MAGI2: variants seen among roughly 807,000 people sequenced by gnomAD.
MAGI2 encodes membrane-associated guanylate kinase, WW and PDZ domain-containing protein 2.
In MAGI2, 35 loss-of-function variants were observed where a neutral mutation model predicts 133.3. The observed-to-expected ratio is 0.26, with a 90% CI of 0.20 to 0.35. The LOEUF is 0.35. Among genes scored for constraint, MAGI2 ranks in the 10% least tolerant of loss-of-function variants. The pLI is 1.00. For missense variants in MAGI2, 1,636 were observed against 1,863.4 expected (o/e 0.88, Z 2.25); for synonymous variants, 729 against 710.6 (o/e 1.03, Z -0.41).
chr7:78,605,592 T>A (rs987941769), intron 3 of MAGI2, among the ~76,000 whole-genome samples: 1 of 152,196 alleles, frequency 6.6e-6, no homozygotes, highest in Non-Finnish European at 1.5e-5. Context: ...AATATTATAA[T>A]TCTGTAATTA....
At chr7:78,588,075 G>C (rs184644256) in intron 3 of MAGI2, among the ~76,000 whole-genome samples, 1 of 152,288 alleles carries the variant, frequency 6.6e-6, no homozygotes, top group East Asian at 1.9e-4. Flanking sequence ...GTAAAGTAGG[G>C]AATACAATGC....
intron 3 of MAGI2, among the ~76,000 whole-genome samples, chr7:78,573,255 T>A (rs1160820043): frequency 6.0e-5 from 2 of 33,530 alleles, no homozygotes; most frequent in Admixed American, 6.3e-4. Context: ...TAAATATATA[T>A]AAATATAAAT....
chr7:78,022,328 C>T (rs1018694911), intron 21 of MAGI2, among the ~76,000 whole-genome samples: 28 of 152,166 alleles, frequency 1.8e-4, no homozygotes, highest in African/African-American at 6.3e-4. Flanking sequence ...TGATATTTCA[C>T]ATTTTAATAG....
At chr7:78,661,147 G>T (rs1812914294) in intron 2 of MAGI2, among the ~76,000 whole-genome samples, 1 of 152,166 alleles carries the variant, frequency 6.6e-6, no homozygotes, top group Non-Finnish European at 1.5e-5. Flanking sequence ...TATTTAAGAA[G>T]TTTATCATCA....
At chr7:78,100,458 C>G (rs1318694654) in intron 20 of MAGI2, among the ~76,000 whole-genome samples, 2 of 152,184 alleles carry the variant, frequency 1.3e-5, no homozygotes, top group Non-Finnish European at 2.9e-5. Flanking sequence ...TCAAGTGATT[C>G]TCCCACCTCA....
Position 78,510,172 on chromosome 7 carries a change from C to T in MAGI2, c.755-8385G>A, listed in dbSNP as rs184742542. On this transcript the variant is annotated intron_variant, in intron 4 of 21. Coordinates refer to ENST00000354212, the MANE Select transcript of MAGI2 (RefSeq NM_012301.4). ...TTTTACGTTTCCTTTAAAAATTCCC[C>T]GATAACAACAGTCTCCATAAGAAGC... 1.8e-3 allele frequency among the ~76,000 whole-genome samples: 278 copies of T among 152,184 alleles called. 1 individual carries two copies. The highest frequency in any genetic ancestry group is 6.1e-3 in the African/African-American group (254 of 41,534).
intron 1 of MAGI2, among the ~76,000 whole-genome samples, chr7:79,104,491 G>C (rs966574842): frequency 3.9e-5 from 6 of 151,912 alleles, no homozygotes; most frequent in African/African-American, 1.4e-4. Context: ...ACATGGTAAA[G>C]CCCCATCTCT....
intron 2 of MAGI2, among the ~76,000 whole-genome samples, chr7:78,792,166 G>A (rs1230183468): frequency 2.0e-5 from 3 of 152,086 alleles, no homozygotes; most frequent in African/African-American, 7.2e-5. Context: ...AAGTTCAAAC[G>A]CAGACTTTAT....
intron 14 of MAGI2, among the ~76,000 whole-genome samples, chr7:78,177,772 A>C (rs1257658879): frequency 6.6e-6 from 1 of 152,156 alleles, no homozygotes; most frequent in African/African-American, 2.4e-5. Flanking sequence ...AATCGATTCT[A>C]AAAAAAGAGC....
At position 79,074,560 on chromosome 7, in the gene MAGI2, A is replaced by T. The variant is rs1365928461; in HGVS notation, c.302-67354T>A. Among the ~76,000 whole-genome samples, 3 of 152,154 alleles carry T rather than the reference A, an allele frequency of 2.0e-5. No homozygotes were observed. The East Asian group carries it at 5.8e-4, about 29-fold the overall frequency. ...TAAAATACTCAAGTATTTAAGCAAA[A>T]ATTGATGTGTAAAGATGTTTACTCA... On this transcript the variant is annotated intron_variant, in intron 1 of 21. Coordinates refer to ENST00000354212, the MANE Select transcript of MAGI2 (RefSeq NM_012301.4).
At chr7:78,767,953 G>C (rs145402962) in intron 2 of MAGI2, among the ~76,000 whole-genome samples, 183 of 152,220 alleles carry the variant, frequency 1.2e-3, no homozygotes, top group African/African-American at 4.3e-3. Flanking sequence ...CGAAAATTTT[G>C]TTATTTCTGG....
intron 6 of MAGI2, among the ~76,000 whole-genome samples, chr7:78,475,146 T>C (rs534495835): frequency 3.5e-4 from 53 of 151,996 alleles, no homozygotes; most frequent in Non-Finnish European, 6.8e-4. Context: ...TGCTACTATC[T>C]GAATCTTGTG....
At chr7:79,102,128 T>C (rs1339646785) in intron 1 of MAGI2, among the ~76,000 whole-genome samples, 1 of 152,150 alleles carries the variant, frequency 6.6e-6, no homozygotes, top group Non-Finnish European at 1.5e-5. Context: ...TTTTATTTAT[T>C]TTTTATTTTA....
intron 2 of MAGI2, among the ~76,000 whole-genome samples, chr7:78,717,275 G>T (rs750845343): frequency 6.6e-6 from 1 of 150,986 alleles, no homozygotes; most frequent in East Asian, 2.0e-4. Context: ...ACACAACACA[G>T]CACACACACA....
At chr7:78,724,961 T>G (rs546080644) in intron 2 of MAGI2, among the ~76,000 whole-genome samples, 2 of 152,324 alleles carry the variant, frequency 1.3e-5, no homozygotes, top group South Asian at 4.1e-4. Flanking sequence ...CAGTGAAGAT[T>G]TTTGAAATGT....
rs1296710011 is a variant in MAGI2, at chr7:79,324,680, A to G, written c.301+128340T>C. Among the ~76,000 whole-genome samples, 6 of 12,876 alleles carry G rather than the reference A, an allele frequency of 4.7e-4. 3 individuals are homozygous for G. Among genetic ancestry groups the G allele is most frequent in the Non-Finnish European group, 7.1e-4 (4 of 5,620 alleles). 8.4% of individuals were successfully genotyped at this position (12,876 alleles called of 152,430 possible). Reference sequence around the variant, plus strand: ...TTATATATATATAAAATATATATATATTATATATATATAAAATATATATAT... The same window carrying G: ...TTATATATATATAAAATATATATATGTTATATATATATAAAATATATATAT... On this transcript the variant is annotated intron_variant, in intron 1 of 21. Transcript: ENST00000354212.
intron 1 of MAGI2, among the ~76,000 whole-genome samples, chr7:79,378,137 A>C (rs1193933793): frequency 6.6e-6 from 1 of 151,818 alleles, no homozygotes; most frequent in East Asian, 1.9e-4. Context: ...TATGGAAAAC[A>C]CACCTGATTT....
rs201028039 is a variant in MAGI2 at position 78,912,459 on chromosome 7, G to A, written c.418+94631C>T. 3.8e-4 allele frequency among the ~76,000 whole-genome samples: 58 copies of A among 152,100 alleles called. 1 individual carries two copies. The East Asian group carries it at 0.01, about 26-fold the overall frequency. On this transcript the variant is annotated intron_variant, in intron 2 of 21. Transcript: ENST00000354212. Reference sequence around the variant, plus strand: ...ACATTTGAGTAGGTGGGCTGGGAAAGGCAGACCCACCCTTAATCTGGGTGG... The same window carrying A: ...ACATTTGAGTAGGTGGGCTGGGAAAAGCAGACCCACCCTTAATCTGGGTGG...
chr7:79,287,434 A>G (rs912887150), intron 1 of MAGI2, among the ~76,000 whole-genome samples: 2 of 152,130 alleles, frequency 1.3e-5, no homozygotes, highest in African/African-American at 4.8e-5. Flanking sequence ...ACAGCCATGT[A>G]TATTGTGCAG....
Sources: allele counts gnomAD v4.1 joint callset (sites outside exome capture counted in the v4.1 genomes callset), GRCh38; gene constraint gnomAD v4.1.1; transcripts MANE v1.5; gene names NCBI Gene and HGNC (gene_info 2026-07-23, HGNC 2026-07-21).